FREM2: variants seen among roughly 807,000 people sequenced by gnomAD.
FREM2 encodes FRAS1 related extracellular matrix 2.
Under a neutral mutation model 219.9 loss-of-function variants are expected in FREM2, and 119 were observed. The observed-to-expected ratio is 0.54, with a 90% CI of 0.47 to 0.63. The LOEUF (loss-of-function observed/expected upper bound fraction) is 0.63. Among genes scored for constraint, FREM2 ranks in the 30% least tolerant of loss-of-function variants. The pLI, the probability that FREM2 is intolerant of heterozygous loss-of-function variation, is 0.00. For synonymous variants in FREM2, 1,562 were observed against 1,522.8 expected (o/e 1.03, Z -0.60); for missense variants, 4,030 against 3,993.6 (o/e 1.01, Z -0.25).
Position 38,875,360 on chromosome 13 carries a change from A to G in FREM2, c.8282-662A>G, listed in dbSNP as rs535610904. On this transcript the variant is annotated intron_variant, in intron 18 of 23. Coordinates refer to ENST00000280481, the MANE Select transcript of FREM2 (RefSeq NM_207361.6). The stretch of plus-strand genomic sequence containing the variant: ...GACTTGAACTCTAACAAAAGAGAAT[A>G]GGGCTGAATAATTAGGAAGAGAAAG... Among the ~76,000 whole-genome samples, 4 of 152,312 alleles carry G rather than the reference A, an allele frequency of 2.6e-5. No homozygotes were observed. In the East Asian group the frequency reaches 7.7e-4, roughly 29 times the overall value.
chr13:38,692,187 A>G lies in FREM2; in HGVS notation c.4843A>G (p.Ser1615Gly). The G allele has an allele frequency of 6.2e-7, 1 of 1,614,044 alleles. No individual in the cohort carries two copies. ...TGATGGCACTGAGTCAAGTGAAGAT[A>G]GCTTCTCCTTCACAGTGACTGATGG... is the stretch of plus-strand genomic sequence containing the variant. ...KHDGTESSEDSFSFTVTDGTH... is the reference protein window; with the variant it reads ...KHDGTESSEDGFSFTVTDGTH... The change falls in exon 1 of 24, where the codon AGC becomes GGC. Residue 1615 changes from serine to glycine, a missense_variant. Ser to Gly is a moderately conservative substitution (Grantham distance 56). This residue lies in a region of FREM2 where 3,102 missense variants were observed against 2,950.7 expected (regional missense o/e 1.05). Coordinates refer to ENST00000280481, the MANE Select transcript of FREM2 (RefSeq NM_207361.6).
At position 38,851,904 on chromosome 13, in the gene FREM2, A is replaced by T. The variant is rs1877387052; in HGVS notation, c.6925+36A>T. The T allele has an allele frequency of 4.5e-6, 7 of 1,571,716 alleles. No homozygotes were observed. The East Asian group carries it at 1.3e-4, about 30-fold the overall frequency. On this transcript the variant is annotated intron_variant, in intron 11 of 23. Transcript: ENST00000280481. The stretch of plus-strand genomic sequence containing the variant: ...CCCAGGGCCTGTCTCCTGATGGATC[A>T]TGCCAACTCTGTGTTTCAGTGCCAG...
chr13:38,749,210 G>T (rs1447954829), intron 2 of FREM2, among the ~76,000 whole-genome samples: 1 of 152,140 alleles, frequency 6.6e-6, no homozygotes, highest in Non-Finnish European at 1.5e-5. Context: ...ACAGTTTGGT[G>T]CATTTCTCAA....
chr13:38,693,144 A>G (rs1422342669), intron 1 of FREM2, among the ~76,000 whole-genome samples: 2 of 152,340 alleles, frequency 1.3e-5, no homozygotes, highest in East Asian at 3.9e-4. Flanking sequence ...ACACCTATCT[A>G]GAGTTATAAC....
At chr13:38,702,832 C>T (rs1870394644) in intron 2 of FREM2, among the ~76,000 whole-genome samples, 2 of 152,050 alleles carry the variant, frequency 1.3e-5, no homozygotes, top group African/African-American at 2.4e-5. Flanking sequence ...GAAACTGGGG[C>T]GGCAGACATA....
chr13:38,833,053 A>C (rs1007863039), intron 6 of FREM2, among the ~76,000 whole-genome samples: 1 of 152,176 alleles, frequency 6.6e-6, no homozygotes, highest in African/African-American at 2.4e-5. Flanking sequence ...AAAAAGCAAA[A>C]AAAAGTTAAG....
At chr13:38,876,954 A>G (rs1484660406) in intron 20 of FREM2, among the ~76,000 whole-genome samples, 163 bp from the exon 21 acceptor site, 1 of 152,204 alleles carries the variant, frequency 6.6e-6, no homozygotes, top group Admixed American at 6.5e-5. Context: ...CTCAAGGACA[A>G]AAGCAATGTT....
intron 2 of FREM2, among the ~76,000 whole-genome samples, chr13:38,731,171 T>C (rs1871753637): frequency 6.6e-6 from 1 of 152,208 alleles, no homozygotes; most frequent in East Asian, 1.9e-4. Context: ...TTGCAAAGTC[T>C]ATGTGAACTT....
intron 2 of FREM2, among the ~76,000 whole-genome samples, chr13:38,721,727 A>G (rs1871272045): frequency 6.6e-6 from 1 of 152,190 alleles, no homozygotes; most frequent in Admixed American, 6.5e-5. Context: ...AAATTTGCCA[A>G]ATTTCTTTTT....
rs769819030 is a variant in FREM2 at position 38,689,753 on chromosome 13, G to C, written c.2409G>C (p.Gln803His). ...LGVATRVAQF[Q>H]FQVEDRAGNV... ...TGGCTACTCGAGTGGCCCAGTTCCAGTTCCAGGTGGAAGACCGAGCTGGGA... is the reference window on the plus strand; with the variant it reads ...TGGCTACTCGAGTGGCCCAGTTCCACTTCCAGGTGGAAGACCGAGCTGGGA... Residue 803 changes from glutamine to histidine, a missense_variant, in exon 1 of 24, where the codon CAG becomes CAC. This residue lies in a region of FREM2 where 3,102 missense variants were observed against 2,950.7 expected (regional missense o/e 1.05). Transcript: ENST00000280481. The C allele has an allele frequency of 3.1e-6, 5 of 1,613,258 alleles. No individual in the cohort carries two copies. The highest frequency in any genetic ancestry group is 2.2e-5 in the East Asian group (1 of 44,874).
In FREM2 at chr13:38,687,869, C is replaced by T. The variant is rs748508758; in HGVS notation, c.525C>T (p.Val175=). 9.6e-6 allele frequency: 15 copies of T among 1,569,278 alleles called. No individual in the cohort carries two copies. The highest frequency in any genetic ancestry group is 1.2e-5 in the Non-Finnish European group (14 of 1,153,640). The change falls in exon 1 of 24, where the codon GTC becomes GTT. Residue 175 remains valine, a synonymous_variant. Transcript: ENST00000280481. ...VLPLVLEVEV[V]FTQLEVVTRN... is the part of the protein sequence containing the mutation. ...CACTGGTACTGGAGGTGGAGGTGGT[C>T]TTCACCCAGCTGGAGGTTGTGACTC...
chr13:38,688,961 A>C lies in FREM2; in HGVS notation c.1617A>C (p.Gly539=). The change falls in exon 1 of 24, where the codon GGA becomes GGC. Residue 539 remains glycine, a synonymous_variant. Coordinates refer to ENST00000280481, the MANE Select transcript of FREM2 (RefSeq NM_207361.6). The stretch of plus-strand genomic sequence containing the variant: ...ACCTGGTGCTTCGCATGGTGGATGG[A>C]GGAGGCAGGCACCAGGTACAGTTTC... ...SDNLVLRMVD[G]GGRHQVQFLF... 1 of 1,613,394 alleles carries C rather than the reference A, an allele frequency of 6.2e-7. No homozygotes were observed. The highest frequency in any genetic ancestry group is 8.5e-7 in the Non-Finnish European group (1 of 1,179,670).
At chr13:38,860,799 T>C (rs1877734134) in intron 14 of FREM2, among the ~76,000 whole-genome samples, 1 of 152,176 alleles carries the variant, frequency 6.6e-6, no homozygotes, top group Admixed American at 6.5e-5. Context: ...TCCAAATTCT[T>C]GAAGGTCACT....
intron 4 of FREM2, among the ~76,000 whole-genome samples, chr13:38,779,850 C>T (rs770036162): frequency 3.3e-5 from 5 of 152,222 alleles, no homozygotes; most frequent in Non-Finnish European, 5.9e-5. Context: ...TTTGAAACAA[C>T]TGATCACTCC....
chr13:38,807,225 A>ATATATATG (rs1208111391), intron 6 of FREM2, among the ~76,000 whole-genome samples: 4 of 125,226 alleles, frequency 3.2e-5, no homozygotes, highest in African/African-American at 5.7e-5. Context: ...ATATATATAT[A>ATATATATG]TATGTATGGT....
chr13:38,725,129 C>A (rs1871461851), intron 2 of FREM2, among the ~76,000 whole-genome samples: 1 of 152,176 alleles, frequency 6.6e-6, no homozygotes, highest in Admixed American at 6.5e-5. Flanking sequence ...AGGCCATAGC[C>A]TGTAATCTAT....
chr13:38,856,710 C>T (rs1372266044), intron 12 of FREM2, among the ~76,000 whole-genome samples: 2 of 136,472 alleles, frequency 1.5e-5, no homozygotes, highest in Admixed American at 6.8e-5. Flanking sequence ...AATTTGATGT[C>T]CACAGCCTCA....
chr13:38,784,768 C>T lies in FREM2; in HGVS notation c.5979C>T (p.Phe1993=). 1 of 1,614,106 alleles carries T rather than the reference C, an allele frequency of 6.2e-7. No homozygotes were observed. Among genetic ancestry groups the T allele is most frequent in the Non-Finnish European group, 8.5e-7 (1 of 1,179,992 alleles). ...TGGGGGGAAGAATCGGATCAGAGTT[C>T]CCAGGGGCTCAAGTTACAATCGTTC... ...MPMGGRIGSE[F]PGAQVTIVPD... The change falls in exon 6 of 24, where the codon TTC becomes TTT. Residue 1993 remains phenylalanine (F), a synonymous_variant. Coordinates refer to ENST00000280481, the MANE Select transcript of FREM2 (RefSeq NM_207361.6).
chr13:38,783,743 T>C (rs1173052055), intron 5 of FREM2, among the ~76,000 whole-genome samples: 1 of 152,220 alleles, frequency 6.6e-6, no homozygotes, highest in Non-Finnish European at 1.5e-5. Context: ...AGTAGACTTT[T>C]GTTAAAATTT....
Sources: allele counts gnomAD v4.1 joint callset (sites outside exome capture counted in the v4.1 genomes callset), GRCh38; gene constraint gnomAD v4.1.1; regional missense constraint gnomAD v4.1.1; transcripts MANE v1.5; gene names NCBI Gene and HGNC (gene_info 2026-07-23, HGNC 2026-07-21).